The following CYB5R4 variants were observed in gnomAD, a reference collection of about 807,000 sequenced individuals.
CYB5R4 encodes cytochrome b5 reductase 4.
In CYB5R4, 55 loss-of-function variants were observed where a neutral mutation model predicts 70.2. The observed-to-expected ratio is 0.78, with a 90% confidence interval of 0.63 to 0.98. The LOEUF (loss-of-function observed/expected upper bound fraction) is 0.98, where lower values mean the gene tolerates loss of function less well. Among genes scored for constraint, CYB5R4 ranks in the 50% least tolerant of loss-of-function variants. The pLI is 0.00. For missense variants in CYB5R4, 562 were observed against 612.6 expected, an observed-to-expected ratio of 0.92 and a Z score of 0.87; for synonymous variants, 197 against 199.5, an observed-to-expected ratio of 0.99 and a Z score of 0.11.
chr6:83,872,696 T>G (rs2099457824), intron 2 of CYB5R4, among the ~76,000 whole-genome samples: 1 of 152,218 alleles, frequency 6.6e-6, no homozygotes, highest in Non-Finnish European at 1.5e-5. Flanking sequence ...GTTCTGTTTC[T>G]CTAATAGCTG....
intron 3 of CYB5R4, among the ~76,000 whole-genome samples, chr6:83,904,456 TC>T (rs2099463460): frequency 6.6e-6 from 1 of 152,190 alleles, no homozygotes; most frequent in Admixed American, 6.5e-5. Context: ...CTAACATATG[TC>T]TGTCATGGAC....
Position 83,964,266 on chromosome 6 carries a change from T to C in CYB5R4, c.*4388T>C, listed in dbSNP as rs6912739. ...AAAATGGGAAAGTTTGGAACTTCCT[T>C]GAGACTTGTTGAATGGCTTTGACAA... On this transcript the variant is annotated 3_prime_UTR_variant, in exon 16 of 16. Transcript: ENST00000369681. The C allele has an allele frequency of 0.18, 26,855 of 153,188 alleles. 5,885 individuals carry two copies. Among genetic ancestry groups the C allele is most frequent in the African/African-American group, 0.52 (21,633 of 41,466 alleles). The allele number at this position is 153,188 out of a possible 1,614,324, so 9.5% of individuals were successfully genotyped here. A position where few individuals can be genotyped will look rare whatever the true frequency, so the allele number is the denominator to read the frequency against.
At chr6:83,947,990 T>C (rs932686877) in intron 14 of CYB5R4, among the ~76,000 whole-genome samples, 2 of 152,156 alleles carry the variant, frequency 1.3e-5, no homozygotes, top group Non-Finnish European at 2.9e-5. Flanking sequence ...GAACCAGAAA[T>C]ACCATTTGAC....
chr6:83,916,538 A>G (rs2099465544), intron 5 of CYB5R4, among the ~76,000 whole-genome samples: 1 of 152,166 alleles, frequency 6.6e-6, no homozygotes, highest in Non-Finnish European at 1.5e-5. Flanking sequence ...TTTTACGTGT[A>G]GTTTTGTAGT....
intron 10 of CYB5R4, among the ~76,000 whole-genome samples, chr6:83,925,209 G>A (rs1562840858): frequency 6.6e-6 from 1 of 152,214 alleles, no homozygotes; most frequent in African/African-American, 2.4e-5. Flanking sequence ...CATCTTACAT[G>A]GCTGGAGAAG....
chr6:83,947,504 G>A (rs891321675), intron 14 of CYB5R4, among the ~76,000 whole-genome samples: 5 of 152,130 alleles, frequency 3.3e-5, no homozygotes, highest in African/African-American at 1.2e-4. Context: ...AAGACTTCAT[G>A]ACTAAAACTC....
chr6:83,863,637 T>C (rs1427617493), intron 1 of CYB5R4, among the ~76,000 whole-genome samples: 2 of 152,146 alleles, frequency 1.3e-5, no homozygotes, highest in East Asian at 3.9e-4. Flanking sequence ...ATTCCTGTTA[T>C]ATGGTCAGCC....
At chr6:83,882,783 C>T (rs1176621978) in intron 2 of CYB5R4, among the ~76,000 whole-genome samples, 2 of 152,106 alleles carry the variant, frequency 1.3e-5, no homozygotes, top group African/African-American at 4.8e-5. Flanking sequence ...ATCAGGAGAT[C>T]AAGACCATCC....
chr6:83,888,702 G>T (rs1050578169), intron 2 of CYB5R4, among the ~76,000 whole-genome samples: 1 of 152,128 alleles, frequency 6.6e-6, no homozygotes, highest in African/African-American at 2.4e-5. Context: ...ATTGGCCTCT[G>T]AGTGTTCCAA....
chr6:83,940,232 A>G (rs1376680529), intron 13 of CYB5R4, 26 bp downstream of exon 13: 2 of 1,577,992 alleles, frequency 1.3e-6, no homozygotes, highest in African/African-American at 2.7e-5. Flanking sequence ...TCTAATTACG[A>G]TCCTTTTTGA....
chr6:83,908,097 AGTT>A (rs1377691865), intron 3 of CYB5R4, among the ~76,000 whole-genome samples: 2 of 143,722 alleles, frequency 1.4e-5, no homozygotes, highest in Non-Finnish European at 2.9e-5. Flanking sequence ...TCTCACCAAC[AGTT>A]GTATAAACAT....
In CYB5R4 at chr6:83,909,939, G is replaced by A. The variant is rs1226371110; in HGVS notation, c.412+849G>A. 2.3e-6 allele frequency: 3 copies of A among 1,291,636 alleles called. No individual in the cohort carries two copies. The African/African-American group carries it at 4.4e-5, about 19-fold the overall frequency. The allele number at this position is 1,291,636 out of a possible 1,614,324, so 80.0% of individuals were successfully genotyped here. On this transcript the variant is annotated intron_variant, in intron 4 of 15. Transcript: ENST00000369681. ...AACAAAGGATTTTCTGGCCTAAAATGTTAATAGTGTTGAAGTAGAGAAACC... is the reference window on the plus strand; with the variant it reads ...AACAAAGGATTTTCTGGCCTAAAATATTAATAGTGTTGAAGTAGAGAAACC...
At chr6:83,880,522 T>C (rs1364616649) in intron 2 of CYB5R4, among the ~76,000 whole-genome samples, 2 of 152,180 alleles carry the variant, frequency 1.3e-5, no homozygotes, top group East Asian at 3.8e-4. Flanking sequence ...TGTGTAATAT[T>C]GATGTAAGTT....
chr6:83,867,451 G>A lies in CYB5R4; in HGVS notation c.229+3123G>A, dbSNP rs187610545. Among the ~76,000 whole-genome samples, 471 of 152,318 alleles carry A rather than the reference G, an allele frequency of 3.1e-3. 4 individuals carry two copies. Among genetic ancestry groups the A allele is most frequent in the African/African-American group, 0.011 (452 of 41,572 alleles). On this transcript the variant is annotated intron_variant, in intron 2 of 15. Transcript: ENST00000369681. ...TAGATGGCAGTGTGTACTCTTGAAG[G>A]GATTTGAATGTGGGGACAGTGTTAT...
Position 83,925,853 on chromosome 6 carries a change from T to C in CYB5R4, c.814+1261T>C, listed in dbSNP as rs149367796. The stretch of plus-strand genomic sequence containing the variant: ...TATTTTCAGTTTTGTCCTTTTGTTC[T>C]ACTTTCTGCAAGATGTCTTCAGCTG... On this transcript the variant is annotated intron_variant, in intron 10 of 15. Coordinates refer to ENST00000369681, the MANE Select transcript of CYB5R4 (RefSeq NM_016230.4). Among the ~76,000 whole-genome samples, 8 of 152,334 alleles carry C rather than the reference T, an allele frequency of 5.3e-5. No individual in the cohort carries two copies. The East Asian group carries it at 1.5e-3, about 29-fold the overall frequency.
intron 5 of CYB5R4, among the ~76,000 whole-genome samples, chr6:83,916,230 A>G (rs2099465493): frequency 6.6e-6 from 1 of 152,154 alleles, no homozygotes; most frequent in Non-Finnish European, 1.5e-5. Context: ...AAGAGGAAAC[A>G]GTGGCTTGCA....
intron 2 of CYB5R4, among the ~76,000 whole-genome samples, chr6:83,871,383 C>A (rs1453844166): frequency 1.3e-5 from 2 of 152,186 alleles, no homozygotes; most frequent in African/African-American, 4.8e-5. Flanking sequence ...TCCTGTCTTA[C>A]TAACATCTAA....
chr6:83,957,286 A>C (rs1296678206), intron 15 of CYB5R4, among the ~76,000 whole-genome samples: 1 of 152,148 alleles, frequency 6.6e-6, no homozygotes, highest in Non-Finnish European at 1.5e-5. Flanking sequence ...CTATTTTAGA[A>C]GTATCTCAAT....
At chr6:83,885,887 T>C (rs1299848195) in intron 2 of CYB5R4, among the ~76,000 whole-genome samples, 1 of 152,066 alleles carries the variant, frequency 6.6e-6, no homozygotes, top group Non-Finnish European at 1.5e-5. Context: ...CTTTTAGTTG[T>C]ATATACTCAA....
Sources: allele counts gnomAD v4.1 joint callset (sites outside exome capture counted in the v4.1 genomes callset), GRCh38; gene constraint gnomAD v4.1.1; transcripts MANE v1.5; gene names NCBI Gene and HGNC (gene_info 2026-07-23, HGNC 2026-07-21).